TPRG1: variants seen among roughly 807,000 people sequenced by gnomAD.
The protein encoded by TPRG1 is tumor protein p63 regulated 1, also known as tumor protein p63-regulated gene 1 protein.
A neutral mutation model predicts 29.3 loss-of-function variants in TPRG1; 29 were observed. The ratio of observed to expected loss-of-function variants is 0.99; its 90% CI spans 0.74 to 1.35. The LOEUF is 1.35. Ranked by LOEUF, TPRG1 falls within the 40% of genes most tolerant of loss-of-function variation. The probability of loss-of-function intolerance (pLI) is 0.00; values close to 1 mark genes in which losing one functional copy is unlikely to be tolerated. For missense variants in TPRG1, 327 were observed against 335.0 expected, an observed-to-expected ratio of 0.98 and a Z score of 0.19; for synonymous variants, 130 against 116.8, an observed-to-expected ratio of 1.11 and a Z score of -0.73.
At chr3:189,165,315 A>G (rs11921336) in intron 5 of TPRG1, among the ~76,000 whole-genome samples, 13,576 of 151,792 alleles carry the variant, frequency 0.089, 671 homozygotes, top group East Asian at 0.19. Context: ...TCCTTACAGC[A>G]AGACTGATTC....
At chr3:189,280,451 A>G (rs1222744432) in intron 4 of TPRG1, among the ~76,000 whole-genome samples, 1 of 152,184 alleles carries the variant, frequency 6.6e-6, no homozygotes, top group Non-Finnish European at 1.5e-5. Flanking sequence ...TAACATGTGT[A>G]TTAATAATAG....
intron 4 of TPRG1, among the ~76,000 whole-genome samples, chr3:189,244,421 A>G (rs185669342): frequency 1.3e-5 from 2 of 152,292 alleles, no homozygotes; most frequent in African/African-American, 4.8e-5. Flanking sequence ...CTCCATCTCA[A>G]AAAAAGAAGA....
intron 3 of TPRG1, among the ~76,000 whole-genome samples, chr3:189,232,772 G>A (rs1738862087): frequency 6.6e-6 from 1 of 152,082 alleles, no homozygotes; most frequent in Non-Finnish European, 1.5e-5. Context: ...TCTATTTTAA[G>A]CAAATTGGAA....
At chr3:189,121,626 C>G (rs938731757) in intron 1 of TPRG1, 2 of 152,166 alleles carry the variant, frequency 1.3e-5, no homozygotes, top group African/African-American at 4.8e-5. Flanking sequence ...TGAAGCAGAG[C>G]CTGATCTATC....
At chr3:189,220,264 C>T (rs994531844) in intron 3 of TPRG1, among the ~76,000 whole-genome samples, 13 of 128,094 alleles carry the variant, frequency 1.0e-4, no homozygotes, top group Admixed American at 1.6e-4. Flanking sequence ...AGAAGCACAA[C>T]CACTTTTAAT....
intron 4 of TPRG1, among the ~76,000 whole-genome samples, chr3:189,265,689 G>A (rs1713940158): frequency 6.6e-6 from 1 of 152,166 alleles, no homozygotes; most frequent in South Asian, 2.1e-4. Context: ...AAAAGGCAAG[G>A]AAGCACTTTC....
intron 5 of TPRG1, among the ~76,000 whole-genome samples, chr3:189,166,257 A>G (rs1728154057): frequency 6.6e-6 from 1 of 152,224 alleles, no homozygotes; most frequent in South Asian, 2.1e-4. Context: ...TTCAACTCCT[A>G]TGGTCCAAAC....
At chr3:189,135,037 T>C (rs1269490826) in intron 3 of TPRG1, among the ~76,000 whole-genome samples, 2 of 152,222 alleles carry the variant, frequency 1.3e-5, no homozygotes, top group Non-Finnish European at 2.9e-5. Flanking sequence ...TGTCTTTTAG[T>C]CTACTTCCTT....
intron 5 of TPRG1, among the ~76,000 whole-genome samples, chr3:189,315,310 G>A (rs907057375): frequency 1.4e-5 from 2 of 146,448 alleles, no homozygotes; most frequent in Non-Finnish European, 3.0e-5. Context: ...GTGTGTGTGT[G>A]TGTGTAAGGG....
At chr3:189,040,564 T>C (rs1714565294) in intron 4 of TPRG1, among the ~76,000 whole-genome samples, 1 of 152,108 alleles carries the variant, frequency 6.6e-6, no homozygotes, top group Non-Finnish European at 1.5e-5. Context: ...CATCTCTCAG[T>C]GGGAGCACAA....
At chr3:189,228,926 A>G (rs774822199) in intron 3 of TPRG1, among the ~76,000 whole-genome samples, 25 of 152,230 alleles carry the variant, frequency 1.6e-4, no homozygotes, top group Non-Finnish European at 2.9e-4. Flanking sequence ...GCAAATTTTC[A>G]GAATACAAGA....
intron 1 of TPRG1, among the ~76,000 whole-genome samples, chr3:189,180,443 G>A (rs542513449): frequency 8.5e-5 from 13 of 152,256 alleles, no homozygotes; most frequent in Admixed American, 4.6e-4. Context: ...ACACAGTGGG[G>A]GTACAGGTAT....
At chr3:189,011,436 G>A (rs1486606636) in intron 3 of TPRG1, among the ~76,000 whole-genome samples, 3 of 152,108 alleles carry the variant, frequency 2.0e-5, no homozygotes, top group Non-Finnish European at 4.4e-5. Context: ...TCGAGAATGG[G>A]CAATTTACAA....
chr3:189,133,030 A>G (rs1052044402), intron 3 of TPRG1, among the ~76,000 whole-genome samples: 2 of 152,166 alleles, frequency 1.3e-5, no homozygotes, highest in Non-Finnish European at 2.9e-5. Flanking sequence ...ACATGATACC[A>G]TGATGGTGCA....
intron 4 of TPRG1, among the ~76,000 whole-genome samples, chr3:189,251,836 C>T (rs1205604889): frequency 6.6e-6 from 1 of 152,116 alleles, no homozygotes; most frequent in Non-Finnish European, 1.5e-5. Flanking sequence ...CAGGGACGGG[C>T]AGGAGACAGA....
intron 3 of TPRG1, among the ~76,000 whole-genome samples, chr3:189,220,371 T>TA (rs773401646): frequency 3.9e-5 from 6 of 152,204 alleles, no homozygotes; most frequent in Non-Finnish European, 7.3e-5. Flanking sequence ...TGAGCACTTA[T>TA]AAAATGCACC....
chr3:189,241,396 T>C (rs1307654211), intron 4 of TPRG1, among the ~76,000 whole-genome samples: 1 of 152,236 alleles, frequency 6.6e-6, no homozygotes, highest in Non-Finnish European at 1.5e-5. Context: ...TTTATTTTTC[T>C]GTGAACTGCC....
intron 2 of TPRG1, among the ~76,000 whole-genome samples, chr3:189,208,202 T>C (rs564852741): frequency 1.3e-5 from 2 of 152,334 alleles, no homozygotes; most frequent in African/African-American, 2.4e-5. Context: ...TTTTAACTTT[T>C]AGCATTTGAT....
chr3:189,062,740 C>CA (rs1434559077), intron 4 of TPRG1, among the ~76,000 whole-genome samples: 1 of 151,846 alleles, frequency 6.6e-6, no homozygotes, highest in Non-Finnish European at 1.5e-5. Flanking sequence ...CCCCACCCCA[C>CA]AAAAAACTAC....
Sources: gnomAD v4.1 joint callset for allele counts (sites outside exome capture counted in the v4.1 genomes callset) on GRCh38, gnomAD v4.1.1 for gene constraint, MANE v1.5 for transcripts, NCBI Gene and HGNC (gene_info 2026-07-23, HGNC 2026-07-21) for gene names.